Variants in SUGCT observed in about 807,000 individuals in gnomAD.
SUGCT encodes the protein succinyl-CoA:glutarate-CoA transferase.
In SUGCT, 41 loss-of-function variants were observed where a neutral mutation model predicts 55.0. The ratio of observed to expected loss-of-function variants is 0.74; its 90% CI spans 0.58 to 0.97. The LOEUF (loss-of-function observed/expected upper bound fraction) is 0.97, where lower values mean the gene tolerates loss of function less well. SUGCT is among the 50% of genes least tolerant of loss of function. The probability of loss-of-function intolerance (pLI) is 0.00; values close to 1 mark genes in which losing one functional copy is unlikely to be tolerated. For synonymous variants in SUGCT, 187 were observed against 200.4 expected (o/e 0.93, Z 0.56); for missense variants, 568 against 547.8 (o/e 1.04, Z -0.37).
the SUGCT span, among the ~76,000 whole-genome samples, chr7:40,987,864 A>T: frequency 5.3e-5 from 8 of 152,172 alleles, no homozygotes; most frequent in Non-Finnish European, 1.0e-4. Flanking sequence ...CAATGAAAAT[A>T]AATACCTTGT....
the SUGCT span, among the ~76,000 whole-genome samples, chr7:40,897,941 G>A: frequency 6.6e-6 from 1 of 152,272 alleles, no homozygotes; most frequent in East Asian, 1.9e-4. Flanking sequence ...GATGTGGATG[G>A]GGCCAGATAA....
In SUGCT at chr7:40,501,329, A is replaced by G. The variant is rs1792270485; in HGVS notation, c.1089+4943A>G. ...GTGATTAAATAAAATAAAAATGGAGAGTTTAAGCTCCCAGTTTTTTATTAA... is the reference window on the plus strand; with the variant it reads ...GTGATTAAATAAAATAAAAATGGAGGGTTTAAGCTCCCAGTTTTTTATTAA... On this transcript the variant is annotated intron_variant, in intron 12 of 13. Transcript: ENST00000335693. 1.3e-5 allele frequency among the ~76,000 whole-genome samples: 2 copies of G among 152,126 alleles called. 1 individual carries two copies. Among genetic ancestry groups the G allele is most frequent in the South Asian group, 4.1e-4 (2 of 4,822 alleles).
intron 12 of SUGCT, among the ~76,000 whole-genome samples, chr7:40,548,586 C>A (rs550114139): frequency 6.6e-6 from 1 of 152,090 alleles, no homozygotes; most frequent in African/African-American, 2.4e-5. Context: ...ATATATACCA[C>A]GTGCCCACAT....
chr7:40,402,333 A>G (rs1295502216), intron 9 of SUGCT, among the ~76,000 whole-genome samples: 1 of 152,174 alleles, frequency 6.6e-6, no homozygotes, highest in Non-Finnish European at 1.5e-5. Flanking sequence ...GAACAGGGAA[A>G]GTTATCCAAA....
intron 9 of SUGCT, among the ~76,000 whole-genome samples, chr7:40,421,697 T>C (rs1261339576): frequency 6.6e-6 from 1 of 151,964 alleles, no homozygotes; most frequent in Non-Finnish European, 1.5e-5. Context: ...TGGTAGAGAG[T>C]GTATGATGCC....
chr7:40,644,862 G>C (rs577169716), intron 12 of SUGCT, among the ~76,000 whole-genome samples: 1 of 152,092 alleles, frequency 6.6e-6, no homozygotes. Flanking sequence ...GTTGCTTTGC[G>C]AGCCCAGCCT....
intron 13 of SUGCT, among the ~76,000 whole-genome samples, chr7:40,771,530 G>A (rs932462295): frequency 3.9e-5 from 6 of 152,190 alleles, no homozygotes; most frequent in South Asian, 2.1e-4. Context: ...ATCCAGGATC[G>A]TATAGCACTA....
chr7:40,947,508 T>C, the SUGCT span, among the ~76,000 whole-genome samples: 1 of 151,128 alleles, frequency 6.6e-6, no homozygotes, highest in Non-Finnish European at 1.5e-5. Context: ...CTCTTTTTTT[T>C]TTTGTTTGTT....
At chr7:40,718,786 G>A (rs1786160866) in intron 12 of SUGCT, among the ~76,000 whole-genome samples, 1 of 151,984 alleles carries the variant, frequency 6.6e-6, no homozygotes, top group Non-Finnish European at 1.5e-5. Flanking sequence ...CCACATACTT[G>A]TGTCTGAGCC....
chr7:40,227,272 C>T (rs921964611), intron 6 of SUGCT, among the ~76,000 whole-genome samples: 3 of 151,924 alleles, frequency 2.0e-5, no homozygotes, highest in Non-Finnish European at 4.4e-5. Flanking sequence ...TGGTCTGGAA[C>T]TCCTGACCTC....
chr7:40,199,924 T>C (rs1015646062), intron 6 of SUGCT, among the ~76,000 whole-genome samples: 10 of 152,148 alleles, frequency 6.6e-5, no homozygotes, highest in Admixed American at 1.3e-4. Flanking sequence ...TATATGTGTT[T>C]AAAATATGAA....
the SUGCT span, among the ~76,000 whole-genome samples, chr7:40,894,210 A>C: frequency 6.6e-6 from 1 of 152,338 alleles, no homozygotes; most frequent in Admixed American, 6.5e-5. Context: ...AGCAAAGCTG[A>C]CAAAAATAAG....
intron 12 of SUGCT, among the ~76,000 whole-genome samples, chr7:40,623,000 G>A (rs1799345362): frequency 6.6e-6 from 1 of 152,194 alleles, no homozygotes; most frequent in African/African-American, 2.4e-5. Context: ...AGGGCTATGA[G>A]TTCTAACTCT....
At chr7:40,629,288 G>A (rs1799675007) in intron 12 of SUGCT, among the ~76,000 whole-genome samples, 1 of 152,140 alleles carries the variant, frequency 6.6e-6, no homozygotes, top group African/African-American at 2.4e-5. Flanking sequence ...AAATAATTTA[G>A]CCAGTCATTA....
chr7:40,857,268 T>C (rs2128806456), intron 13 of SUGCT, among the ~76,000 whole-genome samples: 1 of 152,348 alleles, frequency 6.6e-6, no homozygotes, highest in Non-Finnish European at 1.5e-5. Flanking sequence ...GAGCCCTTTG[T>C]TTTCTTCATG....
At chr7:40,488,712 T>C (rs1489229638) in intron 11 of SUGCT, among the ~76,000 whole-genome samples, 2 of 152,198 alleles carry the variant, frequency 1.3e-5, no homozygotes, top group African/African-American at 4.8e-5. Flanking sequence ...CTCCTTTATT[T>C]CTGAAGGATA....
chr7:40,159,943 G>GT (rs1784067536), intron 1 of SUGCT, among the ~76,000 whole-genome samples: 1 of 152,178 alleles, frequency 6.6e-6, no homozygotes, highest in African/African-American at 2.4e-5. Flanking sequence ...AACTTTGTGT[G>GT]TTTCTATATC....
the SUGCT span, among the ~76,000 whole-genome samples, chr7:40,973,524 T>C: frequency 6.6e-6 from 1 of 152,142 alleles, no homozygotes; most frequent in Non-Finnish European, 1.5e-5. Flanking sequence ...CCCTAAGCAG[T>C]AGCTAATACT....
intron 12 of SUGCT, among the ~76,000 whole-genome samples, chr7:40,659,009 G>T (rs559434773): frequency 2.0e-5 from 3 of 152,286 alleles, no homozygotes; most frequent in Non-Finnish European, 2.9e-5. Context: ...TGGCATGGCT[G>T]CTCCAGTGAG....
Sources: gnomAD v4.1 joint callset for allele counts (sites outside exome capture counted in the v4.1 genomes callset) on GRCh38, gnomAD v4.1.1 for gene constraint, MANE v1.5 for transcripts, NCBI Gene and HGNC (gene_info 2026-07-23, HGNC 2026-07-21) for gene names.